The following LYST variants were observed in gnomAD, a reference collection of about 807,000 sequenced individuals.
LYST encodes the protein lysosomal-trafficking regulator.
A neutral mutation model predicts 413.6 loss-of-function variants in LYST; 192 were observed. The ratio of observed to expected loss-of-function variants is 0.46; its 90% CI spans 0.41 to 0.52. The LOEUF (loss-of-function observed/expected upper bound fraction) is 0.52. Among genes scored for constraint, LYST ranks in the 20% least tolerant of loss-of-function variants. The pLI is 0.00. For missense variants in LYST, 3,815 were observed against 4,499.9 expected (o/e 0.85, Z 4.35); for synonymous variants, 1,525 against 1,567.3 (o/e 0.97, Z 0.64).
At chr1:235,773,034 T>G (rs967970528) in intron 19 of LYST, among the ~76,000 whole-genome samples, 14 of 152,192 alleles carry the variant, frequency 9.2e-5, no homozygotes, top group African/African-American at 3.4e-4. Flanking sequence ...AAGAATATGC[T>G]GGCTGGGGGT....
At chr1:235,707,339 A>T (rs960413366) in intron 44 of LYST, among the ~76,000 whole-genome samples, 5 of 152,128 alleles carry the variant, frequency 3.3e-5, no homozygotes, top group African/African-American at 1.2e-4. Context: ...TATACTTGAA[A>T]ATGTAGGCCA....
rs544402905 is a variant in LYST at position 235,860,327 on chromosome 1, C to T, written c.-98+6516G>A. 2.5e-3 allele frequency among the ~76,000 whole-genome samples: 383 copies of T among 152,226 alleles called. 1 individual carries two copies. Among genetic ancestry groups the T allele is most frequent in the African/African-American group, 8.8e-3 (367 of 41,532 alleles). On this transcript the variant is annotated intron_variant, in intron 1 of 52. Transcript: ENST00000389793. Reference sequence around the variant, plus strand: ...CCTAAACTGGTACATTTGTTATAATCAATGAACCTACACTGACAGGTCATT... The same window carrying T: ...CCTAAACTGGTACATTTGTTATAATTAATGAACCTACACTGACAGGTCATT...
Position 235,860,311 on chromosome 1 carries a change from G to A in LYST, c.-98+6532C>T, listed in dbSNP as rs184524748. 2.3e-3 allele frequency among the ~76,000 whole-genome samples: 343 copies of A among 152,058 alleles called. 2 individuals are homozygous for A. Among genetic ancestry groups the A allele is most frequent in the African/African-American group, 7.8e-3 (325 of 41,490 alleles). On this transcript the variant is annotated intron_variant, in intron 1 of 52. Coordinates refer to ENST00000389793, the MANE Select transcript of LYST (RefSeq NM_000081.4). The stretch of plus-strand genomic sequence containing the variant: ...AACTATGGACAGCCCCCCTAAACTG[G>A]TACATTTGTTATAATCAATGAACCT...
At chr1:235,875,492 G>T (rs530512563) in intron 1 of LYST, among the ~76,000 whole-genome samples, 1 of 152,236 alleles carries the variant, frequency 6.6e-6, no homozygotes, top group East Asian at 1.9e-4. Context: ...AGTGGCTGGT[G>T]GAGAGTCTGT....
At chr1:235,711,895 A>C (rs1391144990) in intron 43 of LYST, among the ~76,000 whole-genome samples, 162 bp downstream of exon 43, 1 of 152,082 alleles carries the variant, frequency 6.6e-6, no homozygotes, top group Admixed American at 6.5e-5. Context: ...AAAATCCTCA[A>C]GCTTATTTGA....
At chr1:235,832,935 G>C (rs1676151383) in intron 2 of LYST, among the ~76,000 whole-genome samples, 1 of 152,058 alleles carries the variant, frequency 6.6e-6, no homozygotes, top group Non-Finnish European at 1.5e-5. Flanking sequence ...AGGCACATAG[G>C]AAGTGGATTT....
rs1313031706 is a variant in LYST, at chr1:235,755,502, C to T, written c.7205G>A (p.Gly2402Asp). 1 of 1,613,764 alleles carries T rather than the reference C, an allele frequency of 6.2e-7. No homozygotes were observed. The highest frequency in any genetic ancestry group is 2.2e-5 in the East Asian group (1 of 44,872). Residue 2402 changes from glycine (G) to aspartate (D), a missense_variant, in exon 25 of 53, where the codon GGT (glycine) becomes GAT (aspartate). Around this residue, in one of 4 missense-constraint regions of LYST, gnomAD observed 771 missense variants for 837.1 expected, o/e 0.92. Transcript: ENST00000389793. ...CTCTTCATCAAGGCCAATATGTCGA[C>T]CAAAGAACATTTCGATGAAGCATTC... Reference protein sequence around the residue: ...LLECFIEMFFGRHIGLDEEFD... With the variant: ...LLECFIEMFFDRHIGLDEEFD...
chr1:235,669,114 C>T (rs909238146), intron 50 of LYST, among the ~76,000 whole-genome samples: 2 of 152,124 alleles, frequency 1.3e-5, no homozygotes, highest in Admixed American at 1.3e-4. Flanking sequence ...GGGACAGAGT[C>T]CCTAAAGCCC....
intron 16 of LYST, 48 bp downstream of exon 16, chr1:235,780,817 C>A (rs752965371): frequency 1.4e-6 from 1 of 738,906 alleles, no homozygotes; most frequent in Non-Finnish European, 2.1e-6. Context: ...AATAAATATA[C>A]CTAAATACAT....
chr1:235,844,484 CAT>C (rs1049387183), intron 1 of LYST, among the ~76,000 whole-genome samples: 8 of 152,172 alleles, frequency 5.3e-5, no homozygotes, highest in African/African-American at 1.9e-4. Flanking sequence ...CTTGGAGTTA[CAT>C]ATGTTTTGGG....
intron 47 of LYST, 59 bp from the exon 48 acceptor site, chr1:235,687,106 A>G: frequency 8.8e-7 from 1 of 1,141,192 alleles, no homozygotes; most frequent in Non-Finnish European, 1.3e-6. Flanking sequence ...CTTAAAGTAT[A>G]ATAAAAATAA....
In LYST at chr1:235,809,206, C is replaced by G. The variant is rs1211862405; in HGVS notation, c.1612G>C (p.Asp538His). The change falls in exon 5 of 53, where the codon GAT becomes CAT. Residue 538 changes from aspartate to histidine, a missense_variant. Physicochemically the swap from Asp to His is moderately conservative, Grantham distance 81. Coordinates refer to ENST00000389793, the MANE Select transcript of LYST (RefSeq NM_000081.4). The surrounding 1 kb of genome is among the most constrained non-coding windows in gnomAD (Gnocchi z 4.0). Reference protein sequence around the residue: ...VSKNPFEETADGDVYYPERCC... With the variant: ...VSKNPFEETAHGDVYYPERCC... ...CGCTCAGGATAATAAACATCTCCATCTGCAGTCTCTTCAAATGGGTTTTTG... is the reference window on the plus strand; with the variant it reads ...CGCTCAGGATAATAAACATCTCCATGTGCAGTCTCTTCAAATGGGTTTTTG... The G allele has an allele frequency of 1.9e-6, 3 of 1,614,012 alleles. No homozygotes were observed. The highest frequency in any genetic ancestry group is 1.3e-5 in the African/African-American group (1 of 75,032).
At chr1:235,676,810 TG>T (rs1659418935) in intron 50 of LYST, among the ~76,000 whole-genome samples, 1 of 152,240 alleles carries the variant, frequency 6.6e-6, no homozygotes, top group Non-Finnish European at 1.5e-5. Flanking sequence ...GAAAAAACTA[TG>T]TAACAATAAT....
chr1:235,879,705 G>A (rs879681710), intron 1 of LYST, among the ~76,000 whole-genome samples: 1 of 151,774 alleles, frequency 6.6e-6, no homozygotes, highest in Admixed American at 6.6e-5. Context: ...TAAACTGAAA[G>A]CTCTGAGAAT....
intron 45 of LYST, among the ~76,000 whole-genome samples, chr1:235,697,804 A>G (rs1164972430): frequency 6.6e-6 from 1 of 152,196 alleles, no homozygotes; most frequent in Non-Finnish European, 1.5e-5. Context: ...GTGTTTATCT[A>G]TGGAACATAT....
rs955817142 is a variant in LYST at position 235,664,371 on chromosome 1, G to T, written c.11195+94C>A. 3 of 1,166,468 alleles carry T rather than the reference G, an allele frequency of 2.6e-6. No homozygotes were observed. In the African/African-American group the frequency reaches 4.6e-5, roughly 18 times the overall value. 72.3% of individuals were successfully genotyped at this position (1,166,468 alleles called of 1,614,324 possible). On this transcript the variant is annotated intron_variant, in intron 51 of 52. Coordinates refer to ENST00000389793, the MANE Select transcript of LYST (RefSeq NM_000081.4). This position sits in a 1 kb window ranked among gnomAD's most constrained non-coding sequence, Gnocchi z 4.5. ...AGGTGAGTTTAAATCTCTAAATACTGAATATTAATATGCCTAGATATTAAA... is the reference window on the plus strand; with the variant it reads ...AGGTGAGTTTAAATCTCTAAATACTTAATATTAATATGCCTAGATATTAAA...
At chr1:235,797,818 T>G (rs1355867476) in intron 10 of LYST, among the ~76,000 whole-genome samples, 4 of 152,002 alleles carry the variant, frequency 2.6e-5, no homozygotes, top group African/African-American at 9.7e-5. Context: ...AAGGATACTA[T>G]CAACAAGTAA....
intron 48 of LYST, among the ~76,000 whole-genome samples, chr1:235,679,895 T>C (rs539641666): frequency 1.3e-5 from 2 of 152,258 alleles, no homozygotes; most frequent in East Asian, 3.9e-4. Context: ...GGATTGATAG[T>C]GTCCTCAGGG....
At chr1:235,789,038 G>A (rs371524996) in intron 12 of LYST, among the ~76,000 whole-genome samples, 193 bp from the exon 13 acceptor site, 4 of 152,246 alleles carry the variant, frequency 2.6e-5, no homozygotes, top group African/African-American at 7.2e-5. Context: ...CACGAGGGAT[G>A]AAAAATGGTA....
Sources: allele counts gnomAD v4.1 joint callset (sites outside exome capture counted in the v4.1 genomes callset), GRCh38; gene constraint gnomAD v4.1.1; regional missense constraint gnomAD v4.1.1; non-coding constraint Gnocchi (gnomAD v3.1); transcripts MANE v1.5; gene names NCBI Gene and HGNC (gene_info 2026-07-23, HGNC 2026-07-21).